Variants in ARL15 observed in about 807,000 individuals in gnomAD.
The protein encoded by ARL15 is ADP-ribosylation factor-like protein 15.
Under a neutral mutation model 25.2 loss-of-function variants are expected in ARL15, and 19 were observed. The observed-to-expected ratio is 0.75, with a 90% CI of 0.53 to 1.10. ARL15 has a LOEUF of 1.10. Ranked by LOEUF, ARL15 falls within the 50% of genes least tolerant of loss-of-function variation. The probability of loss-of-function intolerance (pLI) is 0.00; values close to 1 mark genes in which losing one functional copy is unlikely to be tolerated. For missense variants in ARL15, 220 were observed against 246.0 expected (o/e 0.89, Z 0.71); for synonymous variants, 94 against 86.8 (o/e 1.08, Z -0.46).
chr5:53,917,770 C>T (rs1745702358), intron 4 of ARL15, among the ~76,000 whole-genome samples: 1 of 152,172 alleles, frequency 6.6e-6, no homozygotes, highest in African/African-American at 2.4e-5. Flanking sequence ...AAGGCTTTAA[C>T]ATTGCTCTAA....
In ARL15 at chr5:54,043,673, G is replaced by A. The variant is rs375794881; in HGVS notation, c.462+69529C>T. 5.9e-5 allele frequency among the ~76,000 whole-genome samples: 9 copies of A among 152,044 alleles called. No individual in the cohort carries two copies. In the East Asian group the frequency reaches 1.3e-3, roughly 23 times the overall value. On this transcript the variant is annotated intron_variant, in intron 4 of 4. Coordinates refer to ENST00000504924, the MANE Select transcript of ARL15 (RefSeq NM_019087.3). ...GAGAACATTTACCACCACGGGCTGA[G>A]CACCATCAGGCATATTGCATATATC...
At chr5:53,951,631 T>C (rs767179891) in intron 4 of ARL15, 1 of 449,438 alleles carries the variant, frequency 2.2e-6, no homozygotes, top group Admixed American at 2.8e-5. Context: ...TCCTTCCCTA[T>C]ATACTCCTTC....
chr5:53,914,689 C>G (rs150145750), intron 4 of ARL15, among the ~76,000 whole-genome samples: 1 of 152,356 alleles, frequency 6.6e-6, no homozygotes, highest in African/African-American at 2.4e-5. Flanking sequence ...TGAAGTGAGG[C>G]AGATGCTCAG....
intron 4 of ARL15, among the ~76,000 whole-genome samples, chr5:53,998,384 TATCTTTCTA>T (rs1376444089): frequency 1.3e-5 from 2 of 152,168 alleles, no homozygotes; most frequent in Non-Finnish European, 2.9e-5. Flanking sequence ...TCTCCCCTTT[TATCTTTCTA>T]ATCCTCCTTT....
rs540843180 is a variant in ARL15, at chr5:54,194,634, A to G, written c.49-22706T>C. Among the ~76,000 whole-genome samples, 8 of 152,282 alleles carry G rather than the reference A, an allele frequency of 5.3e-5. No homozygotes were observed. In the South Asian group the frequency reaches 1.7e-3, roughly 32 times the overall value. ...AAAATCTAATCTCACCCTAATAAAA[A>G]TCTTAGACCTGGCAAAAAAAGAAAC... On this transcript the variant is annotated intron_variant, in intron 1 of 4. Coordinates refer to ENST00000504924, the MANE Select transcript of ARL15 (RefSeq NM_019087.3).
intron 4 of ARL15, among the ~76,000 whole-genome samples, chr5:53,931,133 G>A (rs1481006898): frequency 1.3e-5 from 2 of 152,094 alleles, no homozygotes; most frequent in Admixed American, 1.3e-4. Flanking sequence ...AGTAATGACA[G>A]CTATATACTA....
At chr5:54,030,776 A>T (rs1749955543) in intron 4 of ARL15, among the ~76,000 whole-genome samples, 1 of 152,172 alleles carries the variant, frequency 6.6e-6, no homozygotes, top group Non-Finnish European at 1.5e-5. Context: ...AATTAGAAGG[A>T]ATCTCCTACC....
In ARL15 at chr5:54,177,552, C is replaced by A. The variant is rs1057310878; in HGVS notation, c.49-5624G>T. Among the ~76,000 whole-genome samples the A allele has an allele frequency of 1.1e-4, 17 of 152,258 alleles. No individual in the cohort carries two copies. The East Asian group carries it at 3.3e-3, about 29-fold the overall frequency. On this transcript the variant is annotated intron_variant, in intron 1 of 4. Transcript: ENST00000504924. ...AAAATGTTCCCATTTCTGTTTGGAA[C>A]AGAAATAAGGTATTTATTTCCCCAA...
intron 1 of ARL15, among the ~76,000 whole-genome samples, chr5:54,237,413 T>C (rs1321478512): frequency 1.3e-5 from 2 of 152,062 alleles, no homozygotes; most frequent in East Asian, 3.8e-4. Context: ...TCCCTATTGG[T>C]AGAGAAGTAC....
At chr5:54,199,378 A>C (rs60003795) in intron 1 of ARL15, among the ~76,000 whole-genome samples, 37,815 of 149,428 alleles carry the variant, frequency 0.25, 5,291 homozygotes, top group African/African-American at 0.35. Flanking sequence ...AAATGGGAGA[A>C]AATTTTCGCA....
intron 4 of ARL15, among the ~76,000 whole-genome samples, chr5:53,945,760 G>A (rs1325950538): frequency 6.6e-6 from 1 of 152,196 alleles, no homozygotes; most frequent in Non-Finnish European, 1.5e-5. Context: ...GCTATTAAAT[G>A]TAAAGTCAAG....
At chr5:53,990,354 G>T (rs1433616248) in intron 4 of ARL15, among the ~76,000 whole-genome samples, 1 of 152,172 alleles carries the variant, frequency 6.6e-6, no homozygotes, top group Non-Finnish European at 1.5e-5. Context: ...GATAAGCCAG[G>T]TAAAATCTGG....
chr5:53,946,445 G>C (rs1746731844), intron 4 of ARL15, among the ~76,000 whole-genome samples: 1 of 111,590 alleles, frequency 9.0e-6, no homozygotes, highest in South Asian at 3.3e-4. Flanking sequence ...GCAAGACTCG[G>C]TCTCAAGAGG....
intron 1 of ARL15, among the ~76,000 whole-genome samples, chr5:54,217,325 G>A (rs1413091320): frequency 1.3e-5 from 2 of 151,576 alleles, no homozygotes; most frequent in Non-Finnish European, 2.9e-5. Context: ...CAAATTTACT[G>A]TGAAAGATTC....
chr5:54,007,678 A>C (rs2111763012), intron 4 of ARL15, among the ~76,000 whole-genome samples: 1 of 152,288 alleles, frequency 6.6e-6, no homozygotes, highest in East Asian at 1.9e-4. Flanking sequence ...TTGCAATGAA[A>C]AGAGAAACCT....
At chr5:54,249,185 C>T (rs1329429817) in intron 1 of ARL15, among the ~76,000 whole-genome samples, 1 of 152,108 alleles carries the variant, frequency 6.6e-6, no homozygotes, top group Non-Finnish European at 1.5e-5. Context: ...AGTATCATAA[C>T]TTGGCAGACA....
At chr5:54,089,652 G>A (rs906248674) in intron 4 of ARL15, among the ~76,000 whole-genome samples, 2 of 152,124 alleles carry the variant, frequency 1.3e-5, no homozygotes, top group African/African-American at 4.8e-5. Context: ...AGGAAGTCAG[G>A]AACACTTTCT....
chr5:54,217,545 T>C (rs1756243912), intron 1 of ARL15, among the ~76,000 whole-genome samples: 1 of 152,152 alleles, frequency 6.6e-6, no homozygotes, highest in Admixed American at 6.6e-5. Flanking sequence ...ACTGTAGAGA[T>C]ATTAGCTTTC....
intron 4 of ARL15, among the ~76,000 whole-genome samples, chr5:53,911,715 C>G (rs1745471146): frequency 6.6e-6 from 1 of 152,058 alleles, no homozygotes; most frequent in Non-Finnish European, 1.5e-5. Flanking sequence ...GACCCCAAGT[C>G]TAATATGTCA....
Sources: gnomAD v4.1 joint callset for allele counts (sites outside exome capture counted in the v4.1 genomes callset) on GRCh38, gnomAD v4.1.1 for gene constraint, MANE v1.5 for transcripts, NCBI Gene and HGNC (gene_info 2026-07-23, HGNC 2026-07-21) for gene names.